The following EGF variants were observed in gnomAD, a reference collection of about 807,000 sequenced individuals.
EGF encodes the protein pro-epidermal growth factor.
Under a neutral mutation model 143.8 loss-of-function variants are expected in EGF, and 95 were observed. The observed-to-expected ratio is 0.66, with a 90% CI of 0.56 to 0.78. EGF has a LOEUF of 0.78. Ranked by LOEUF, EGF falls within the 30% of genes least tolerant of loss-of-function variation. The pLI is 0.00. For synonymous variants in EGF, 510 were observed against 510.5 expected, an observed-to-expected ratio of 1.00 and a Z score of 0.01; for missense variants, 1,320 against 1,470.9, an observed-to-expected ratio of 0.90 and a Z score of 1.68.
intron 11 of EGF, among the ~76,000 whole-genome samples, chr4:109,970,743 T>A (rs1352566307): frequency 2.1e-5 from 3 of 144,070 alleles, no homozygotes; most frequent in African/African-American, 2.6e-5. Flanking sequence ...GAGAATGGCG[T>A]GAACCTGGAA....
chr4:110,012,963 C>G lies in EGF; in HGVS notation c.*1508C>G, dbSNP rs1294243387. Among the ~76,000 whole-genome samples, 1 of 152,086 alleles carries G rather than the reference C, an allele frequency of 6.6e-6. No individual in the cohort carries two copies. Among genetic ancestry groups the G allele is most frequent in the South Asian group, 2.1e-4 (1 of 4,814 alleles). On this transcript the variant is annotated 3_prime_UTR_variant, in exon 24 of 24. Coordinates refer to ENST00000265171, the MANE Select transcript of EGF (RefSeq NM_001963.6). ...ATCAGAATAAAAAGAAATTGAAGTACCTGTTTTCAAATGGATACTTTATAG... is the reference window on the plus strand; with the variant it reads ...ATCAGAATAAAAAGAAATTGAAGTAGCTGTTTTCAAATGGATACTTTATAG...
intron 1 of EGF, among the ~76,000 whole-genome samples, chr4:109,918,327 A>C (rs1390799213): frequency 6.6e-6 from 1 of 151,286 alleles, no homozygotes; most frequent in Non-Finnish European, 1.5e-5. Flanking sequence ...AGAGTGTGTA[A>C]TGGTAGAAAC....
Position 109,921,399 on chromosome 4 carries a change from T to C in EGF, c.127+7937T>C, listed in dbSNP as rs148266802. 2.6e-3 allele frequency among the ~76,000 whole-genome samples: 397 copies of C among 151,530 alleles called. 16 individuals carry two copies. Among genetic ancestry groups the C allele is most frequent in the African/African-American group, 9.3e-3 (381 of 40,812 alleles). On this transcript the variant is annotated intron_variant, in intron 1 of 23. Transcript: ENST00000265171. The stretch of plus-strand genomic sequence containing the variant: ...ACTTGATTTTCTGATTCTCCCAAGT[T>C]GACCAAACATACTAATGCCTCTCAC...
chr4:109,961,827 T>C (rs1328182738), intron 7 of EGF, 36 bp from the exon 8 acceptor site: 1 of 1,612,004 alleles, frequency 6.2e-7, no homozygotes. Flanking sequence ...CAAACCCGAT[T>C]TAACACTAAT....
At position 109,960,959 on chromosome 4, in the gene EGF, G is replaced by T. The variant is rs1745594255; in HGVS notation, c.1159G>T (p.Val387Phe). ...SYYCTCPVGF[V>F]LLPDGKRCHQ... Reference sequence around the variant, plus strand: ...TTACTGCACGTGCCCTGTAGGATTTGTTCTGCTTCCTGATGGGAAACGATG... The same window carrying T: ...TTACTGCACGTGCCCTGTAGGATTTTTTCTGCTTCCTGATGGGAAACGATG... Residue 387 changes from valine to phenylalanine, a missense_variant, in exon 7 of 24, where the codon GTT becomes TTT. Around this residue, in one of 5 missense-constraint regions of EGF, gnomAD observed 1,186 missense variants for 1,313.7 expected, o/e 0.90. Coordinates refer to ENST00000265171, the MANE Select transcript of EGF (RefSeq NM_001963.6). 6.2e-7 allele frequency: 1 copy of T among 1,613,798 alleles called. No individual in the cohort carries two copies.
chr4:109,994,811 C>A lies in EGF; in HGVS notation c.2936C>A (p.Ser979Tyr). Reference sequence around the variant, plus strand: ...AATAGTGACTCTGAATGTCCCCTGTCCCACGATGGGTACTGCCTCCATGAT... The same window carrying A: ...AATAGTGACTCTGAATGTCCCCTGTACCACGATGGGTACTGCCTCCATGAT... ...VRNSDSECPLSHDGYCLHDGV... is the reference protein window; with the variant it reads ...VRNSDSECPLYHDGYCLHDGV... Residue 979 changes from serine to tyrosine, a missense_variant, in exon 20 of 24, where the codon TCC becomes TAC. Around this residue, in one of 5 missense-constraint regions of EGF, gnomAD observed 1,186 missense variants for 1,313.7 expected, o/e 0.90. Coordinates refer to ENST00000265171, the MANE Select transcript of EGF (RefSeq NM_001963.6). 6.2e-7 allele frequency: 1 copy of A among 1,614,128 alleles called. No homozygotes were observed. Among genetic ancestry groups the A allele is most frequent in the Non-Finnish European group, 8.5e-7 (1 of 1,179,982 alleles).
chr4:109,931,680 C>T (rs1739729493), intron 1 of EGF, among the ~76,000 whole-genome samples: 1 of 152,154 alleles, frequency 6.6e-6, no homozygotes, highest in South Asian at 2.1e-4. Context: ...AAAAGCATAG[C>T]CCTCAGCCCA....
intron 1 of EGF, among the ~76,000 whole-genome samples, chr4:109,932,749 A>C (rs1740013200): frequency 6.6e-6 from 1 of 152,116 alleles, no homozygotes; most frequent in South Asian, 2.1e-4. Context: ...GGAAATTAAC[A>C]ATATATATTG....
At chr4:110,004,414 G>A in intron 21 of EGF, 91 bp from the exon 22 acceptor site, 2 of 1,061,564 alleles carry the variant, frequency 1.9e-6, no homozygotes, top group Non-Finnish European at 2.9e-6. Flanking sequence ...AATTTTAGTA[G>A]CAAAAGCAGT....
intron 18 of EGF, among the ~76,000 whole-genome samples, chr4:109,991,451 C>T (rs140361985): frequency 4.0e-4 from 61 of 152,144 alleles, no homozygotes; most frequent in Non-Finnish European, 6.3e-4. Context: ...GGTTTATCAT[C>T]GTTGTGCTGG....
chr4:109,960,133 G>C (rs1332365964), intron 6 of EGF, among the ~76,000 whole-genome samples: 4 of 152,170 alleles, frequency 2.6e-5, no homozygotes, highest in Non-Finnish European at 5.9e-5. Context: ...GAGCTGGAAG[G>C]CTGGGGCTTC....
intron 10 of EGF, among the ~76,000 whole-genome samples, chr4:109,967,741 A>C (rs1475636067): frequency 6.6e-6 from 1 of 152,156 alleles, no homozygotes; most frequent in Non-Finnish European, 1.5e-5. Context: ...TGGATGAATT[A>C]AAATGAAATT....
chr4:109,921,605 C>T (rs1174271824), intron 1 of EGF, among the ~76,000 whole-genome samples: 1 of 151,496 alleles, frequency 6.6e-6, no homozygotes, highest in African/African-American at 2.5e-5. Context: ...TGCCTCCTTC[C>T]TCCATTCAGA....
rs372303928 is a variant in EGF, at chr4:109,980,953, G to A, written c.2349G>A (p.Leu783=). Residue 783 remains leucine, a synonymous_variant, in exon 15 of 24, where the codon CTG becomes CTA. Transcript: ENST00000265171. ...KASDGKTCLA[L]DGHQLLAGGE... The stretch of plus-strand genomic sequence containing the variant: ...CAGATGGGAAAACGTGTCTGGCTCT[G>A]GATGGTCATCAGCTGTTGGCAGGTA... 69 of 1,614,096 alleles carry A rather than the reference G, an allele frequency of 4.3e-5. No individual in the cohort carries two copies. Among genetic ancestry groups the A allele is most frequent in the Non-Finnish European group, 5.7e-5 (67 of 1,179,978 alleles).
intron 1 of EGF, among the ~76,000 whole-genome samples, chr4:109,934,288 G>A (rs1025002027): frequency 7.9e-5 from 12 of 152,168 alleles, no homozygotes; most frequent in South Asian, 4.1e-4. Context: ...GGGCTAAGAC[G>A]ATGGGGTTTT....
intron 5 of EGF, among the ~76,000 whole-genome samples, chr4:109,955,286 A>G (rs776044089): frequency 1.3e-5 from 2 of 152,184 alleles, no homozygotes; most frequent in Non-Finnish European, 2.9e-5. Context: ...AGGAGCTTTA[A>G]TTGATCTCAG....
At chr4:109,975,101 G>A (rs1413032525) in intron 12 of EGF, among the ~76,000 whole-genome samples, 1 of 152,104 alleles carries the variant, frequency 6.6e-6, no homozygotes, top group Non-Finnish European at 1.5e-5. Flanking sequence ...TTGCATTGTT[G>A]TTTACTGAGC....
At chr4:109,999,091 TGAA>T (rs377002254) in intron 20 of EGF, among the ~76,000 whole-genome samples, 6 of 152,312 alleles carry the variant, frequency 3.9e-5, no homozygotes, top group African/African-American at 1.4e-4. Flanking sequence ...TTTCTCTCAT[TGAA>T]GAAAATAGGC....
chr4:109,938,168 G>T lies in EGF; in HGVS notation c.128-2778G>T, dbSNP rs1483518999. On this transcript the variant is annotated intron_variant, in intron 1 of 23. Transcript: ENST00000265171. ...GGTACACCAATCAAATGTAGATTTG[G>T]TCTTTTCACATAGTTCCATATTTCT... Among the ~76,000 whole-genome samples the T allele has an allele frequency of 1.3e-5, 2 of 152,198 alleles. 1 individual carries two copies. Among genetic ancestry groups the T allele is most frequent in the Middle Eastern group, 6.8e-3 (2 of 294 alleles).
Sources: gnomAD v4.1 joint callset for allele counts (sites outside exome capture counted in the v4.1 genomes callset) on GRCh38, gnomAD v4.1.1 for gene constraint, gnomAD v4.1.1 regional missense constraint, MANE v1.5 for transcripts, NCBI Gene and HGNC (gene_info 2026-07-23, HGNC 2026-07-21) for gene names.